XPNPEP1: variants seen among roughly 807,000 people sequenced by gnomAD.
XPNPEP1 encodes xaa-Pro aminopeptidase 1.
A neutral mutation model predicts 92.4 loss-of-function variants in XPNPEP1; 39 were observed. That is an observed-to-expected ratio of 0.42 (90% CI 0.33 to 0.55). The LOEUF (loss-of-function observed/expected upper bound fraction) is 0.55. XPNPEP1 is among the 20% of genes least tolerant of loss of function. The pLI, the probability that XPNPEP1 is intolerant of heterozygous loss-of-function variation, is 0.08. For missense variants in XPNPEP1, 654 were observed against 856.1 expected (o/e 0.76, Z 2.95); for synonymous variants, 307 against 299.4 (o/e 1.03, Z -0.26).
chr10:109,901,748 A>C (rs1010849206), intron 3 of XPNPEP1, among the ~76,000 whole-genome samples: 2 of 152,250 alleles, frequency 1.3e-5, no homozygotes, highest in African/African-American at 4.8e-5. Flanking sequence ...GTATGTTTAG[A>C]ACAACTTGGG....
At chr10:109,898,456 GT>G (rs1307298578) in intron 3 of XPNPEP1, among the ~76,000 whole-genome samples, 2 of 152,208 alleles carry the variant, frequency 1.3e-5, no homozygotes, top group African/African-American at 4.8e-5. Context: ...ATGCAGTGTG[GT>G]ATTTGCTATA....
intron 9 of XPNPEP1, among the ~76,000 whole-genome samples, chr10:109,883,251 C>T (rs1039696371): frequency 7.2e-5 from 11 of 152,188 alleles, no homozygotes; most frequent in Admixed American, 7.2e-4. Flanking sequence ...ATGCACTGTG[C>T]TCTCTACTGT....
intron 6 of XPNPEP1, 41 bp from the exon 7 acceptor site, chr10:109,888,233 C>A: frequency 6.3e-7 from 1 of 1,597,782 alleles, no homozygotes; most frequent in East Asian, 2.2e-5. Flanking sequence ...GCCGAACGCC[C>A]ATTGCAGCAG....
At chr10:109,922,632 G>A (rs1850605619) in intron 1 of XPNPEP1, among the ~76,000 whole-genome samples, 1 of 152,230 alleles carries the variant, frequency 6.6e-6, no homozygotes. Context: ...TGGTTAGCAG[G>A]TGGGTGACCC....
intron 1 of XPNPEP1, among the ~76,000 whole-genome samples, chr10:109,920,349 A>C (rs1483754261): frequency 6.6e-6 from 1 of 152,250 alleles, no homozygotes; most frequent in African/African-American, 2.4e-5. Context: ...TGTACATTTT[A>C]ACAGATGAAT....
intron 6 of XPNPEP1, 69 bp downstream of exon 6, chr10:109,888,434 A>G: frequency 6.9e-7 from 1 of 1,458,990 alleles, no homozygotes. Flanking sequence ...CCACAAGCAA[A>G]TGAGGAGAAT....
intron 16 of XPNPEP1, 37 bp from the exon 17 acceptor site, chr10:109,871,898 G>C (rs1280550101): frequency 1.9e-6 from 3 of 1,599,514 alleles, no homozygotes; most frequent in Middle Eastern, 1.7e-4. Context: ...GCAGAATGGG[G>C]ACAGATGTCT....
intron 8 of XPNPEP1, chr10:109,884,653 G>A (rs1848293522): frequency 6.6e-6 from 1 of 152,438 alleles, no homozygotes; most frequent in African/African-American, 2.4e-5. Flanking sequence ...CCTGTCAGAG[G>A]TGGAAAGAAA....
At chr10:109,891,096 AACACAGAGTATAT>A (rs1848680925) in intron 5 of XPNPEP1, among the ~76,000 whole-genome samples, 2 of 152,228 alleles carry the variant, frequency 1.3e-5, no homozygotes, top group Non-Finnish European at 2.9e-5. Context: ...ATTAAATGAA[AACACAGAGTATAT>A]ACACACATTA....
At chr10:109,904,094 C>T (rs1849429070) in intron 3 of XPNPEP1, among the ~76,000 whole-genome samples, 1 of 151,548 alleles carries the variant, frequency 6.6e-6, no homozygotes, top group Admixed American at 6.6e-5. Flanking sequence ...ATCCACCTGC[C>T]TCAACCTTCC....
intron 7 of XPNPEP1, 110 bp downstream of exon 7, chr10:109,887,939 C>T: frequency 2.0e-6 from 3 of 1,470,122 alleles, no homozygotes; most frequent in Non-Finnish European, 9.1e-7. Context: ...GGGCAAAATC[C>T]TCCTGTCAGC....
At chr10:109,902,200 C>T (rs895258466) in intron 3 of XPNPEP1, among the ~76,000 whole-genome samples, 5 of 152,200 alleles carry the variant, frequency 3.3e-5, no homozygotes, top group South Asian at 2.1e-4. Flanking sequence ...ACAACAATAG[C>T]GGCAGCTAAT....
intron 11 of XPNPEP1, 107 bp downstream of exon 11, chr10:109,880,735 C>CAG: frequency 9.2e-7 from 1 of 1,091,970 alleles, no homozygotes; most frequent in Non-Finnish European, 1.3e-6. Flanking sequence ...GGCTGAGGCT[C>CAG]AGAGAGATTC....
intron 3 of XPNPEP1, among the ~76,000 whole-genome samples, chr10:109,896,245 A>G (rs1473481384): frequency 6.6e-6 from 1 of 151,438 alleles, no homozygotes; most frequent in Non-Finnish European, 1.5e-5. Context: ...AAGTCTCTGT[A>G]TAGCACACAC....
chr10:109,885,564 T>TGCAG (rs1848343827), intron 8 of XPNPEP1, among the ~76,000 whole-genome samples: 1 of 152,186 alleles, frequency 6.6e-6, no homozygotes, highest in South Asian at 2.1e-4. Flanking sequence ...GGATGGAAGA[T>TGCAG]GCAGGGACTG....
At chr10:109,870,112 T>C (rs184270573) in intron 18 of XPNPEP1, 83 bp from the exon 19 acceptor site, 2 of 1,442,314 alleles carry the variant, frequency 1.4e-6, no homozygotes, top group African/African-American at 1.4e-5. Flanking sequence ...CTTGGATGAC[T>C]GCCCTACTCC....
At chr10:109,873,555 T>C in intron 15 of XPNPEP1, 128 bp from the exon 16 acceptor site, 1 of 1,071,152 alleles carries the variant, frequency 9.3e-7, no homozygotes, top group Non-Finnish European at 1.4e-6. Context: ...AGCACAGCCA[T>C]CTTTGCAAAT....
chr10:109,914,121 C>T (rs1266785709), intron 2 of XPNPEP1, among the ~76,000 whole-genome samples: 1 of 151,488 alleles, frequency 6.6e-6, no homozygotes, highest in Admixed American at 6.6e-5. Context: ...CCTTAGTAGT[C>T]GTTAGAGCAG....
At chr10:109,921,205 C>G (rs1850518690) in intron 1 of XPNPEP1, among the ~76,000 whole-genome samples, 1 of 152,320 alleles carries the variant, frequency 6.6e-6, no homozygotes, top group Non-Finnish European at 1.5e-5. Flanking sequence ...CTATCCAACT[C>G]AATTCCCTCC....
Sources: gnomAD v4.1 joint callset for allele counts (sites outside exome capture counted in the v4.1 genomes callset) on GRCh38, gnomAD v4.1.1 for gene constraint, MANE v1.5 for transcripts, NCBI Gene and HGNC (gene_info 2026-07-23, HGNC 2026-07-21) for gene names.